EPB41L5: variants seen among roughly 807,000 people sequenced by gnomAD.
EPB41L5 encodes the protein band 4.1-like protein 5.
A neutral mutation model predicts 106.6 loss-of-function variants in EPB41L5; 55 were observed. That is an observed-to-expected ratio of 0.52 (90% CI 0.42 to 0.65). EPB41L5 has a LOEUF of 0.65. Ranked by LOEUF, EPB41L5 falls within the 30% of genes least tolerant of loss-of-function variation. The pLI is 0.00. For missense variants in EPB41L5, 871 were observed against 882.1 expected (o/e 0.99, Z 0.16); for synonymous variants, 297 against 306.7 (o/e 0.97, Z 0.33).
At position 120,175,051 on chromosome 2, in the gene EPB41L5, C is replaced by G. The variant is rs1307616734; in HGVS notation, c.*144C>G. On this transcript the variant is annotated 3_prime_UTR_variant, in exon 25 of 25. Coordinates refer to ENST00000263713, the MANE Select transcript of EPB41L5 (RefSeq NM_020909.4). ...TTTGACTTCAACTCCGTAAAAAAGACAGCTGTATTTTCCGTCCAACTGGAA... is the reference window on the plus strand; with the variant it reads ...TTTGACTTCAACTCCGTAAAAAAGAGAGCTGTATTTTCCGTCCAACTGGAA... 9.1e-6 allele frequency: 7 copies of G among 768,388 alleles called. No individual in the cohort carries two copies. The highest frequency in any genetic ancestry group is 5.1e-5 in the African/African-American group (3 of 58,666). 47.6% of individuals were successfully genotyped at this position (768,388 alleles called of 1,614,324 possible).
At position 120,142,999 on chromosome 2, in the gene EPB41L5, C is replaced by T; in HGVS notation, c.1600-4C>T. On this transcript the variant is annotated splice_polypyrimidine_tract_variant and splice_region_variant and intron_variant, in intron 18 of 24. Coordinates refer to ENST00000263713, the MANE Select transcript of EPB41L5 (RefSeq NM_020909.4). ...TGATTATAGTATATTTTTAAAATAT[C>T]TAGGAGGAAGTGGTGAAGTTGACTG... 6.2e-7 allele frequency: 1 copy of T among 1,609,412 alleles called. No homozygotes were observed. The highest frequency in any genetic ancestry group is 8.5e-7 in the Non-Finnish European group (1 of 1,176,316).
At chr2:120,070,808 C>A (rs1448938921) in intron 3 of EPB41L5, among the ~76,000 whole-genome samples, 1 of 152,130 alleles carries the variant, frequency 6.6e-6, no homozygotes, top group African/African-American at 2.4e-5. Context: ...TAAAAACTCT[C>A]AATAAACTAG....
intron 16 of EPB41L5, among the ~76,000 whole-genome samples, chr2:120,117,937 T>C (rs1443011163): frequency 2.0e-5 from 3 of 152,216 alleles, no homozygotes; most frequent in Non-Finnish European, 2.9e-5. Context: ...ATATTAACTC[T>C]GTGTATTTAA....
intron 3 of EPB41L5, among the ~76,000 whole-genome samples, chr2:120,064,638 GAT>G (rs1332689712): frequency 6.6e-6 from 1 of 152,178 alleles, no homozygotes; most frequent in Non-Finnish European, 1.5e-5. Context: ...TACATCCTTT[GAT>G]ATATCTTTAT....
intron 16 of EPB41L5, among the ~76,000 whole-genome samples, chr2:120,101,971 A>T (rs915940169): frequency 2.6e-5 from 4 of 152,076 alleles, no homozygotes; most frequent in Admixed American, 6.5e-5. Context: ...ATAAATGTCA[A>T]ATTTATTTTT....
chr2:120,019,154 C>A lies in EPB41L5; in HGVS notation c.70C>A (p.Arg24=). 6.2e-7 allele frequency: 1 copy of A among 1,613,954 alleles called. No individual in the cohort carries two copies. Among genetic ancestry groups the A allele is most frequent in the Admixed American group, 1.7e-5 (1 of 60,000 alleles). The part of the protein sequence containing the change: ...MRKHAEKERL[R]EAQRAATHIP... ...TAAACATGCAGAGAAGGAACGACTC[C>A]GAGAAGCACAACGCGCCGCCACACA... The change falls in exon 2 of 25, where the codon CGA becomes AGA. Residue 24 remains arginine, a synonymous_variant. Transcript: ENST00000263713.
chr2:120,064,447 A>G (rs761910483), intron 3 of EPB41L5, among the ~76,000 whole-genome samples: 2 of 152,188 alleles, frequency 1.3e-5, no homozygotes, highest in Non-Finnish European at 2.9e-5. Context: ...ATATTTAACA[A>G]TAGGGTCTGG....
At chr2:120,091,695 T>A (rs1234037686) in intron 13 of EPB41L5, 34 bp downstream of exon 13, 1 of 1,523,116 alleles carries the variant, frequency 6.6e-7, no homozygotes, top group South Asian at 1.1e-5. Context: ...GGATTATTTT[T>A]CCTTGGCAAT....
intron 10 of EPB41L5, among the ~76,000 whole-genome samples, chr2:120,083,780 G>A (rs926475896): frequency 3.3e-5 from 5 of 152,154 alleles, no homozygotes; most frequent in Admixed American, 2.6e-4. Context: ...GAATCTGGGT[G>A]CTCCTGTATT....
chr2:120,132,677 A>G (rs763545270), intron 18 of EPB41L5, among the ~76,000 whole-genome samples: 1 of 152,184 alleles, frequency 6.6e-6, no homozygotes, highest in African/African-American at 2.4e-5. Flanking sequence ...TCAGTATTCT[A>G]TCCCACTTGT....
intron 16 of EPB41L5, among the ~76,000 whole-genome samples, chr2:120,114,303 A>G (rs768319875): frequency 6.6e-6 from 1 of 152,244 alleles, no homozygotes; most frequent in South Asian, 2.1e-4. Flanking sequence ...TTTTCAACTT[A>G]TGATGGTGTG....
intron 3 of EPB41L5, among the ~76,000 whole-genome samples, chr2:120,071,244 A>T (rs4849815): frequency 1.3e-5 from 2 of 151,970 alleles, no homozygotes; most frequent in Non-Finnish European, 2.9e-5. Flanking sequence ...CTACAAAGAG[A>T]ATAAAATACC....
At chr2:120,100,559 C>G (rs1684075508) in intron 15 of EPB41L5, 140 bp from the exon 16 acceptor site, 1 of 697,580 alleles carries the variant, frequency 1.4e-6, no homozygotes, top group African/African-American at 1.8e-5. Context: ...CATTAACTAT[C>G]TCTAAGGTGT....
intron 24 of EPB41L5, among the ~76,000 whole-genome samples, chr2:120,173,044 A>G (rs759408497): frequency 1.3e-5 from 2 of 152,178 alleles, no homozygotes; most frequent in Non-Finnish European, 2.9e-5. Flanking sequence ...CTTGGGCAAC[A>G]TACTGAGACT....
At chr2:120,142,676 A>G (rs772144488) in intron 18 of EPB41L5, among the ~76,000 whole-genome samples, 2 of 152,224 alleles carry the variant, frequency 1.3e-5, no homozygotes, top group African/African-American at 2.4e-5. Context: ...TAGCTCTGCC[A>G]GTTGTAGCAT....
At chr2:120,017,764 G>A (rs1293139261) in intron 1 of EPB41L5, among the ~76,000 whole-genome samples, 1 of 152,130 alleles carries the variant, frequency 6.6e-6, no homozygotes, top group African/African-American at 2.4e-5. Context: ...TTGTTTTTGT[G>A]TTTTTATTAT....
At chr2:120,054,530 TTCTCACTCCA>T (rs57793189) in intron 3 of EPB41L5, among the ~76,000 whole-genome samples, 150,340 of 151,668 alleles carry the variant, frequency 0.99, 74,530 homozygotes, top group East Asian at 1. Flanking sequence ...AGTCTCACTC[TTCTCACTCCA>T]GTCACCAGGC....
intron 20 of EPB41L5, 114 bp downstream of exon 20, chr2:120,146,403 A>G: frequency 1.4e-6 from 1 of 714,272 alleles, no homozygotes; most frequent in Non-Finnish European, 2.4e-6. Flanking sequence ...GATAGCTTGA[A>G]TTCACTCTAT....
intron 14 of EPB41L5, among the ~76,000 whole-genome samples, chr2:120,097,126 T>G (rs747312078): frequency 1.3e-5 from 2 of 152,248 alleles, no homozygotes; most frequent in African/African-American, 2.4e-5. Context: ...GGCTAAATGT[T>G]GGTGTCTCTT....
Sources: allele counts gnomAD v4.1 joint callset (sites outside exome capture counted in the v4.1 genomes callset), GRCh38; gene constraint gnomAD v4.1.1; transcripts MANE v1.5; gene names NCBI Gene and HGNC (gene_info 2026-07-23, HGNC 2026-07-21).